Variants in SMARCB1 observed in about 807,000 individuals in gnomAD.
SMARCB1 encodes SWI/SNF related BAF chromatin remodeling complex subunit B1.
Under a neutral mutation model 49.0 loss-of-function variants are expected in SMARCB1, and 5 were observed. The ratio of observed to expected loss-of-function variants is 0.10; its 90% confidence interval spans 0.05 to 0.21. The LOEUF is 0.21. SMARCB1 is among the 10% of genes least tolerant of loss of function. The pLI is 1.00. For missense variants in SMARCB1, 226 were observed against 509.2 expected (o/e 0.44, Z 5.35); for synonymous variants, 201 against 200.1 (o/e 1.00, Z -0.04).
chr22:23,819,024 A>AT (rs936105045), intron 6 of SMARCB1, among the ~76,000 whole-genome samples: 10 of 151,088 alleles, frequency 6.6e-5, no homozygotes, highest in East Asian at 1.9e-4. Context: ...GATTTTTTGT[A>AT]TTTTTTTTGT....
At chr22:23,813,024 C>G (rs944862392) in intron 5 of SMARCB1, among the ~76,000 whole-genome samples, 2 of 152,164 alleles carry the variant, frequency 1.3e-5, no homozygotes, top group African/African-American at 4.8e-5. Flanking sequence ...TGCCACCACA[C>G]CCAGCTAACT....
At position 23,837,455 on chromosome 22, in the gene SMARCB1, G is replaced by C. The variant is rs998962175; in HGVS notation, c.*3275G>C. 1.5e-6 allele frequency: 1 copy of C among 660,652 alleles called. No individual in the cohort carries two copies. The highest frequency in any genetic ancestry group is 2.6e-6 in the Non-Finnish European group (1 of 390,448). 40.9% of individuals were successfully genotyped at this position (660,652 alleles called of 1,614,324 possible). Reference sequence around the variant, plus strand: ...CATCAGGACCGTGCAAGCATCAGTAGATCCGTCCTGACGATGCAAATTATG... The same window carrying C: ...CATCAGGACCGTGCAAGCATCAGTACATCCGTCCTGACGATGCAAATTATG... On this transcript the variant is annotated 3_prime_UTR_variant, in exon 9 of 9. Transcript: ENST00000644036.
Position 23,835,392 on chromosome 22 carries a change from A to T in SMARCB1, c.*1212A>T. On this transcript the variant is annotated 3_prime_UTR_variant, in exon 9 of 9. Transcript: ENST00000644036. ...AGCTGTTGGCAGGTCCCATGCTGCC[A>T]GGGCAGGGCTAGGGTCAGAGGCTGC... 1.0e-6 allele frequency: 1 copy of T among 988,536 alleles called. No individual in the cohort carries two copies. Among genetic ancestry groups the T allele is most frequent in the Non-Finnish European group, 1.2e-6 (1 of 832,188 alleles). The allele number at this position is 988,536 out of a possible 1,614,324, so 61.2% of individuals were successfully genotyped here.
At position 23,835,848 on chromosome 22, in the gene SMARCB1, C is replaced by A. The variant is rs373388180; in HGVS notation, c.*1668C>A. ...GCAGGGCCACCTGGCTGGGAGGTGCCGGGAAGGCTGGGCCCTCACTCCTGA... is the reference window on the plus strand; with the variant it reads ...GCAGGGCCACCTGGCTGGGAGGTGCAGGGAAGGCTGGGCCCTCACTCCTGA... On this transcript the variant is annotated 3_prime_UTR_variant, in exon 9 of 9. Transcript: ENST00000644036. The A allele has an allele frequency of 4.1e-6, 4 of 983,128 alleles. No individual in the cohort carries two copies. The highest frequency in any genetic ancestry group is 4.8e-6 in the Non-Finnish European group (4 of 829,086). The allele number at this position is 983,128 out of a possible 1,614,324, so 60.9% of individuals were successfully genotyped here.
chr22:23,816,501 C>G (rs1601422150), intron 5 of SMARCB1: 2 of 591,744 alleles, frequency 3.4e-6, no homozygotes, highest in East Asian at 5.6e-5. Context: ...TGCGCCCACC[C>G]AGCTATGAGT....
chr22:23,799,511 G>GTTT (rs1297245163), intron 3 of SMARCB1, among the ~76,000 whole-genome samples: 1 of 62,058 alleles, frequency 1.6e-5, no homozygotes, highest in Non-Finnish European at 4.2e-5. Flanking sequence ...CTCACCTTTT[G>GTTT]GTTTTTTTTT....
intron 7 of SMARCB1, among the ~76,000 whole-genome samples, chr22:23,827,970 G>C (rs577701867): frequency 6.6e-6 from 1 of 152,352 alleles, no homozygotes; most frequent in African/African-American, 2.4e-5. Context: ...AGGTCCAGGG[G>C]CCAGTCAGCC....
At chr22:23,829,931 T>C (rs971396693) in intron 7 of SMARCB1, among the ~76,000 whole-genome samples, 1 of 152,260 alleles carries the variant, frequency 6.6e-6, no homozygotes, top group Non-Finnish European at 1.5e-5. Context: ...CTTTTATGAC[T>C]GGCTTGTTAG....
rs752910574 is a variant in SMARCB1, at chr22:23,816,864, C to T, written c.723C>T (p.Ile241=). 1.9e-6 allele frequency: 3 copies of T among 1,614,096 alleles called. No homozygotes were observed. Among genetic ancestry groups the T allele is most frequent in the Admixed American group, 1.7e-5 (1 of 60,030 alleles). The change falls in exon 6 of 9, where the codon ATC becomes ATT. Residue 241 remains isoleucine (I), a synonymous_variant. Transcript: ENST00000644036. ...LTFVPAIASA[I]RQQIESYPTD... ...TTGTGCCAGCCATCGCCTCTGCCAT[C>T]AGACAGCAGATCGAGTCCTACCCCA... is the stretch of plus-strand genomic sequence containing the variant.
intron 3 of SMARCB1, among the ~76,000 whole-genome samples, chr22:23,797,904 C>G (rs893548219): frequency 2.7e-4 from 41 of 152,228 alleles, no homozygotes; most frequent in Middle Eastern, 3.4e-3. Context: ...CAGGTGTGAA[C>G]CACCACACCT....
chr22:23,792,006 C>A, intron 2 of SMARCB1, 112 bp downstream of exon 2: 1 of 1,242,872 alleles, frequency 8.0e-7, no homozygotes, highest in Non-Finnish European at 1.2e-6. Flanking sequence ...CTTAGTCGGG[C>A]AGGGAGCATC....
chr22:23,795,846 G>A (rs1262432355), intron 3 of SMARCB1, among the ~76,000 whole-genome samples: 5 of 145,386 alleles, frequency 3.4e-5, no homozygotes, highest in Middle Eastern at 3.8e-3. Context: ...GCTGGAGTAC[G>A]GTGGCATGAT....
chr22:23,798,821 C>T (rs1408759880), intron 3 of SMARCB1, among the ~76,000 whole-genome samples: 1 of 151,986 alleles, frequency 6.6e-6, no homozygotes, highest in Non-Finnish European at 1.5e-5. Context: ...GAGGCCGAGG[C>T]GGGCGGATCA....
rs1165769294 is a variant in SMARCB1 at position 23,786,966 on chromosome 22, G to T, written c.-204G>T. ...CGGCGGCGCGCGCGTCAGCGTCAAC[G>T]CCAGCGCCTGCGCACTGAGGGCGGC... On this transcript the variant is annotated 5_prime_UTR_variant, in exon 1 of 9. Coordinates refer to ENST00000644036, the MANE Select transcript of SMARCB1 (RefSeq NM_003073.5). 4.2e-6 allele frequency: 2 copies of T among 474,190 alleles called. No homozygotes were observed. The highest frequency in any genetic ancestry group is 2.1e-5 in the African/African-American group (1 of 48,404). The allele number at this position is 474,190 out of a possible 1,614,324, so 29.4% of individuals were successfully genotyped here. A position where few individuals can be genotyped will look rare whatever the true frequency, so the allele number is the denominator to read the frequency against.
At chr22:23,792,564 C>G (rs1274403992) in intron 2 of SMARCB1, 1 of 171,596 alleles carries the variant, frequency 5.8e-6, no homozygotes, top group Admixed American at 5.4e-5. Context: ...AAACTGCTTC[C>G]CACGTGGCAA....
chr22:23,798,518 A>G (rs1053152133), intron 3 of SMARCB1, among the ~76,000 whole-genome samples: 1 of 152,192 alleles, frequency 6.6e-6, no homozygotes, highest in Non-Finnish European at 1.5e-5. Flanking sequence ...TCTCTGCCCA[A>G]GCTGATTCCA....
Position 23,835,948 on chromosome 22 carries a change from C to T in SMARCB1, c.*1768C>T. 1 of 985,508 alleles carries T rather than the reference C, an allele frequency of 1.0e-6. No homozygotes were observed. Among genetic ancestry groups the T allele is most frequent in the Non-Finnish European group, 1.2e-6 (1 of 829,964 alleles). 61.0% of individuals were successfully genotyped at this position (985,508 alleles called of 1,614,324 possible). ...CACGGAGGGCAGACTCAACAGAGAA[C>T]AGTGTTGTTACCATGAAAATGACAA... On this transcript the variant is annotated 3_prime_UTR_variant, in exon 9 of 9. Coordinates refer to ENST00000644036, the MANE Select transcript of SMARCB1 (RefSeq NM_003073.5).
At chr22:23,833,092 G>T (rs149610423) in intron 7 of SMARCB1, among the ~76,000 whole-genome samples, 1 of 152,160 alleles carries the variant, frequency 6.6e-6, no homozygotes, top group East Asian at 1.9e-4. Context: ...CCTCAGTAGT[G>T]GGGGGCTGGG....
At position 23,835,939 on chromosome 22, in the gene SMARCB1, A is replaced by C; in HGVS notation, c.*1759A>C. On this transcript the variant is annotated 3_prime_UTR_variant, in exon 9 of 9. Transcript: ENST00000644036. ...TGGCTACAACACGGAGGGCAGACTC[A>C]ACAGAGAACAGTGTTGTTACCATGA... is the stretch of plus-strand genomic sequence containing the variant. 1 of 985,494 alleles carries C rather than the reference A, an allele frequency of 1.0e-6. No homozygotes were observed. The highest frequency in any genetic ancestry group is 1.2e-6 in the Non-Finnish European group (1 of 829,952). The allele number at this position is 985,494 out of a possible 1,614,324, so 61.0% of individuals were successfully genotyped here. A position where few individuals can be genotyped will look rare whatever the true frequency, so the allele number is the denominator to read the frequency against.
Sources: allele counts gnomAD v4.1 joint callset (sites outside exome capture counted in the v4.1 genomes callset), GRCh38; gene constraint gnomAD v4.1.1; transcripts MANE v1.5; gene names NCBI Gene and HGNC (gene_info 2026-07-23, HGNC 2026-07-21).